The following UBE2E2 variants were observed in gnomAD, a reference collection of about 807,000 sequenced individuals.
The protein encoded by UBE2E2 is ubiquitin conjugating enzyme E2 E2.
Under a neutral mutation model 24.7 loss-of-function variants are expected in UBE2E2, and 6 were observed. The ratio of observed to expected loss-of-function variants is 0.24; its 90% confidence interval spans 0.13 to 0.48. The LOEUF (loss-of-function observed/expected upper bound fraction) is 0.48. Among genes scored for constraint, UBE2E2 ranks in the 20% least tolerant of loss-of-function variants. The probability of loss-of-function intolerance (pLI) is 0.99; values close to 1 mark genes in which losing one functional copy is unlikely to be tolerated. For synonymous variants in UBE2E2, 104 were observed against 83.6 expected (o/e 1.24, Z -1.33); for missense variants, 169 against 245.0 (o/e 0.69, Z 2.07).
At chr3:23,549,106 A>G (rs1465727789) in intron 5 of UBE2E2, among the ~76,000 whole-genome samples, 6 of 152,244 alleles carry the variant, frequency 3.9e-5, no homozygotes, top group Admixed American at 6.5e-5. Flanking sequence ...AAAATATATT[A>G]AAGTCCTATA....
chr3:23,481,977 C>T (rs1699268894), intron 3 of UBE2E2, among the ~76,000 whole-genome samples: 3 of 152,184 alleles, frequency 2.0e-5, no homozygotes, highest in Non-Finnish European at 2.9e-5. Context: ...GACTAGTGAA[C>T]TCTGTATAGT....
At chr3:23,240,851 G>A (rs1697241529) in intron 3 of UBE2E2, among the ~76,000 whole-genome samples, 2 of 152,070 alleles carry the variant, frequency 1.3e-5, no homozygotes, top group Admixed American at 1.3e-4. Flanking sequence ...TAATGATGGA[G>A]CATTTCATAG....
intron 3 of UBE2E2, among the ~76,000 whole-genome samples, chr3:23,336,696 A>G (rs1487322574): frequency 6.6e-6 from 1 of 152,246 alleles, no homozygotes; most frequent in Non-Finnish European, 1.5e-5. Context: ...AACGAAATCC[A>G]ATACTGTAAT....
chr3:23,338,393 T>C (rs1695274639), intron 3 of UBE2E2, among the ~76,000 whole-genome samples: 1 of 152,160 alleles, frequency 6.6e-6, no homozygotes, highest in Non-Finnish European at 1.5e-5. Flanking sequence ...GAATTTGAGA[T>C]ATCAGTATGA....
At chr3:23,487,798 A>G (rs960754201) in intron 3 of UBE2E2, among the ~76,000 whole-genome samples, 10 of 152,202 alleles carry the variant, frequency 6.6e-5, no homozygotes, top group Non-Finnish European at 1.3e-4. Context: ...CATGTTTTAC[A>G]AAAGATATTT....
At chr3:23,559,444 G>T (rs927876212) in intron 5 of UBE2E2, among the ~76,000 whole-genome samples, 4 of 151,932 alleles carry the variant, frequency 2.6e-5, no homozygotes, top group African/African-American at 9.7e-5. Flanking sequence ...CTATACTAGA[G>T]ATTTGAACTT....
intron 5 of UBE2E2, among the ~76,000 whole-genome samples, chr3:23,553,323 A>G (rs1296287761): frequency 6.6e-6 from 1 of 151,412 alleles, no homozygotes; most frequent in African/African-American, 2.4e-5. Context: ...AAAAAAAAAA[A>G]TAATTTCAAA....
intron 5 of UBE2E2, among the ~76,000 whole-genome samples, chr3:23,585,840 C>T (rs1696613248): frequency 6.6e-6 from 1 of 150,606 alleles, no homozygotes; most frequent in African/African-American, 2.4e-5. Context: ...ATGTTTGGAG[C>T]CTGGCTTGGA....
At chr3:23,203,221 G>A, upstream of UBE2E2, 1 of 988,086 alleles carries the variant, frequency 1.0e-6, no homozygotes, top group Non-Finnish European at 1.2e-6. Context: ...TCAGGAGCCG[G>A]AGCTGGAACG....
At chr3:23,354,088 C>A (rs530756169) in intron 3 of UBE2E2, among the ~76,000 whole-genome samples, 1 of 152,142 alleles carries the variant, frequency 6.6e-6, no homozygotes, top group African/African-American at 2.4e-5. Context: ...CGCCACATAT[C>A]TACAACTATC....
chr3:23,455,569 G>C (rs112998185), intron 3 of UBE2E2, among the ~76,000 whole-genome samples: 1 of 151,930 alleles, frequency 6.6e-6, no homozygotes, highest in African/African-American at 2.4e-5. Flanking sequence ...AAATTAGCCG[G>C]GCTAATTTTT....
At chr3:23,429,771 G>A (rs774187718) in intron 3 of UBE2E2, among the ~76,000 whole-genome samples, 30 of 152,262 alleles carry the variant, frequency 2.0e-4, no homozygotes, top group Middle Eastern at 6.8e-3. Context: ...GTAGAAAACC[G>A]AAAAGAATCG....
chr3:23,302,441 G>A (rs1247445536), intron 3 of UBE2E2, among the ~76,000 whole-genome samples: 1 of 151,874 alleles, frequency 6.6e-6, no homozygotes, highest in South Asian at 2.1e-4. Flanking sequence ...TATTCCTTTG[G>A]CAAAAACACC....
At chr3:23,552,816 A>G (rs765906644) in intron 5 of UBE2E2, among the ~76,000 whole-genome samples, 2 of 152,222 alleles carry the variant, frequency 1.3e-5, no homozygotes, top group Admixed American at 6.6e-5. Flanking sequence ...AGCTATTGCC[A>G]TAACTCATTC....
At chr3:23,308,606 A>G (rs1699294080) in intron 3 of UBE2E2, among the ~76,000 whole-genome samples, 1 of 152,198 alleles carries the variant, frequency 6.6e-6, no homozygotes, top group Admixed American at 6.5e-5. Flanking sequence ...GACACTTGAC[A>G]TCTGTTAGTC....
At chr3:23,326,886 A>T (rs147956539) in intron 3 of UBE2E2, among the ~76,000 whole-genome samples, 49,442 of 151,490 alleles carry the variant, frequency 0.33, 8,283 homozygotes, top group South Asian at 0.38. Flanking sequence ...AAGTGTTCTT[A>T]TTGTTCAATT....
chr3:23,284,921 A>AT (rs71266420), intron 3 of UBE2E2, among the ~76,000 whole-genome samples: 44,889 of 142,724 alleles, frequency 0.31, 7,755 homozygotes, highest in Admixed American at 0.5. Flanking sequence ...GATCTTATTC[A>AT]TTTTTTTTTC....
chr3:23,345,126 T>C (rs1424568558), intron 3 of UBE2E2, among the ~76,000 whole-genome samples: 1 of 152,198 alleles, frequency 6.6e-6, no homozygotes, highest in Non-Finnish European at 1.5e-5. Flanking sequence ...TAGAGATCAA[T>C]TGTGATGACT....
intron 3 of UBE2E2, among the ~76,000 whole-genome samples, chr3:23,416,706 C>T (rs899108250): frequency 1.3e-5 from 2 of 152,166 alleles, no homozygotes; most frequent in Admixed American, 6.5e-5. Context: ...TTGGTTTGGT[C>T]TTTTCACATA....
Sources: allele counts gnomAD v4.1 joint callset (sites outside exome capture counted in the v4.1 genomes callset), GRCh38; gene constraint gnomAD v4.1.1; transcripts MANE v1.5; gene names NCBI Gene and HGNC (gene_info 2026-07-23, HGNC 2026-07-21).